The following FAM168A variants were observed in gnomAD, a reference collection of about 807,000 sequenced individuals.
FAM168A encodes the protein protein FAM168A.
In FAM168A, 3 loss-of-function variants were observed where a neutral mutation model predicts 28.5. That is an observed-to-expected ratio of 0.11 (90% confidence interval 0.05 to 0.27). The LOEUF is 0.27. FAM168A is among the 10% of genes least tolerant of loss of function. The probability of loss-of-function intolerance (pLI) is 1.00; values close to 1 mark genes in which losing one functional copy is unlikely to be tolerated. For missense variants in FAM168A, 222 were observed against 311.5 expected, an observed-to-expected ratio of 0.71 and a Z score of 2.16; for synonymous variants, 122 against 124.2, an observed-to-expected ratio of 0.98 and a Z score of 0.12.
chr11:73,407,985 C>T (rs941045849), intron 6 of FAM168A, among the ~76,000 whole-genome samples: 9 of 152,240 alleles, frequency 5.9e-5, no homozygotes, highest in African/African-American at 1.7e-4. Flanking sequence ...GATTCTCCCG[C>T]GTCAGCCTCC....
At chr11:73,579,442 T>C (rs11235810) in intron 1 of FAM168A, among the ~76,000 whole-genome samples, 11,275 of 152,258 alleles carry the variant, frequency 0.074, 547 homozygotes, top group Admixed American at 0.11. Context: ...ATAGAAAGAT[T>C]AAGTAACTTT....
chr11:73,566,501 T>C (rs181997955), intron 1 of FAM168A, among the ~76,000 whole-genome samples: 38 of 152,288 alleles, frequency 2.5e-4, no homozygotes, highest in Admixed American at 2.4e-3. Flanking sequence ...GGAAAGACAA[T>C]TAAGCATCCA....
intron 2 of FAM168A, among the ~76,000 whole-genome samples, chr11:73,458,594 T>C (rs967559650): frequency 1.3e-5 from 2 of 151,982 alleles, no homozygotes; most frequent in Non-Finnish European, 2.9e-5. Flanking sequence ...AAAATAAGTG[T>C]TCTAATAGAA....
At chr11:73,479,231 G>A (rs1385921074) in intron 1 of FAM168A, among the ~76,000 whole-genome samples, 2 of 152,090 alleles carry the variant, frequency 1.3e-5, no homozygotes, top group African/African-American at 4.8e-5. Context: ...TTGATTTCAT[G>A]GAACAATCAT....
At position 73,529,463 on chromosome 11, in the gene FAM168A, G is replaced by A. The variant is rs187107112; in HGVS notation, c.-18-60971C>T. On this transcript the variant is annotated intron_variant, in intron 1 of 7. Coordinates refer to ENST00000356467, the MANE Select transcript of FAM168A (RefSeq NM_015159.3). ...ATGTTTGTCTCTTTGCCCTTCTGAG[G>A]AGTACACTATGTGCAAAGCACCTAC... Among the ~76,000 whole-genome samples, 14 of 152,244 alleles carry A rather than the reference G, an allele frequency of 9.2e-5. No homozygotes were observed. In the East Asian group the frequency reaches 2.7e-3, roughly 29 times the overall value.
chr11:73,545,002 A>AATTATATATTATATATAATATATATTAT (rs1555035001), intron 1 of FAM168A, among the ~76,000 whole-genome samples: 5 of 80,764 alleles, frequency 6.2e-5, no homozygotes, highest in African/African-American at 4.0e-4. Context: ...TAGTATATAT[A>AATTATATATTATATATAATATATATTAT]ATATACTATA....
chr11:73,442,171 G>A (rs1349746268), intron 2 of FAM168A, among the ~76,000 whole-genome samples: 2 of 149,416 alleles, frequency 1.3e-5, no homozygotes, highest in African/African-American at 5.0e-5. Context: ...TGTCGCCCAG[G>A]CTGGAGTGCA....
At chr11:73,426,226 C>T (rs765233571) in intron 3 of FAM168A, among the ~76,000 whole-genome samples, 8 of 152,284 alleles carry the variant, frequency 5.3e-5, no homozygotes, top group Non-Finnish European at 8.8e-5. Context: ...ATAGGTCCCT[C>T]GATTCTGAAA....
At chr11:73,562,154 G>C (rs1057296018) in intron 1 of FAM168A, among the ~76,000 whole-genome samples, 7 of 152,158 alleles carry the variant, frequency 4.6e-5, no homozygotes, top group Non-Finnish European at 1.0e-4. Context: ...TGTTGGTCAG[G>C]CTGGTCTCAA....
chr11:73,511,300 G>T (rs569254514), intron 1 of FAM168A, among the ~76,000 whole-genome samples: 4 of 151,660 alleles, frequency 2.6e-5, no homozygotes, highest in Admixed American at 2.0e-4. Flanking sequence ...TGCAGTGTGC[G>T]ATCTCAGCTC....
chr11:73,471,358 T>TA (rs956337471), intron 1 of FAM168A, among the ~76,000 whole-genome samples: 11 of 151,774 alleles, frequency 7.2e-5, no homozygotes, highest in Non-Finnish European at 1.0e-4. Flanking sequence ...ACATAATTTG[T>TA]AAAAAAAAAT....
intron 1 of FAM168A, among the ~76,000 whole-genome samples, chr11:73,562,966 T>C (rs1943976385): frequency 6.6e-6 from 1 of 152,208 alleles, no homozygotes. Flanking sequence ...ACTGTAATAT[T>C]CAATGGGACA....
Position 73,515,370 on chromosome 11 carries a change from G to A in FAM168A, c.-18-46878C>T, listed in dbSNP as rs117874086. 9.9e-5 allele frequency among the ~76,000 whole-genome samples: 15 copies of A among 152,102 alleles called. No individual in the cohort carries two copies. In the East Asian group the frequency reaches 2.3e-3, roughly 24 times the overall value. ...GCCAAAAATACAAAATTAGTCGGGTGTGGTGGCAGATGCCTGTAATCCAAG... is the reference window on the plus strand; with the variant it reads ...GCCAAAAATACAAAATTAGTCGGGTATGGTGGCAGATGCCTGTAATCCAAG... On this transcript the variant is annotated intron_variant, in intron 1 of 7. Transcript: ENST00000356467.
intron 3 of FAM168A, among the ~76,000 whole-genome samples, chr11:73,429,668 C>T (rs1381803117): frequency 6.6e-6 from 1 of 152,200 alleles, no homozygotes; most frequent in Non-Finnish European, 1.5e-5. Flanking sequence ...TTGTTCTCCA[C>T]TCTCTGAAGC....
intron 1 of FAM168A, among the ~76,000 whole-genome samples, chr11:73,545,007 ACT>A (rs1565291915): frequency 1.7e-3 from 110 of 66,580 alleles, no homozygotes; most frequent in Admixed American, 2.6e-3. Context: ...TATATAATAT[ACT>A]ATATATATAG....
At chr11:73,582,743 C>G (rs1944262745) in intron 1 of FAM168A, among the ~76,000 whole-genome samples, 1 of 152,158 alleles carries the variant, frequency 6.6e-6, no homozygotes, top group African/African-American at 2.4e-5. Flanking sequence ...GAAAAAAGAA[C>G]TCTAGACTGA....
intron 2 of FAM168A, among the ~76,000 whole-genome samples, chr11:73,450,868 G>T (rs1394075636): frequency 1.3e-5 from 2 of 152,096 alleles, no homozygotes; most frequent in Admixed American, 1.3e-4. Context: ...CTGAAAGAAA[G>T]GACAAGTCTA....
At chr11:73,548,666 C>T (rs1943788969) in intron 1 of FAM168A, among the ~76,000 whole-genome samples, 1 of 152,096 alleles carries the variant, frequency 6.6e-6, no homozygotes, top group Non-Finnish European at 1.5e-5. Flanking sequence ...TGTGTGAAAG[C>T]GTCTTGCTCT....
At chr11:73,529,923 A>C (rs1943495754) in intron 1 of FAM168A, among the ~76,000 whole-genome samples, 2 of 151,108 alleles carry the variant, frequency 1.3e-5, no homozygotes, top group African/African-American at 2.4e-5. Flanking sequence ...AGTAGCTGGG[A>C]TTACAGGCGC....
Sources: allele counts gnomAD v4.1 joint callset (sites outside exome capture counted in the v4.1 genomes callset), GRCh38; gene constraint gnomAD v4.1.1; transcripts MANE v1.5; gene names NCBI Gene and HGNC (gene_info 2026-07-23, HGNC 2026-07-21).